Variants in BLOC1S5 observed in about 807,000 individuals in gnomAD.
The protein encoded by BLOC1S5 is biogenesis of lysosomal organelles complex 1 subunit 5.
A neutral mutation model predicts 24.3 loss-of-function variants in BLOC1S5; 27 were observed. The observed-to-expected ratio is 1.11, with a 90% CI of 0.82 to 1.53. The LOEUF is 1.53. BLOC1S5 is among the 40% of genes most tolerant of loss of function. BLOC1S5 has a pLI of 0.00. For synonymous variants in BLOC1S5, 84 were observed against 74.5 expected, an observed-to-expected ratio of 1.13 and a Z score of -0.66; for missense variants, 239 against 229.4, an observed-to-expected ratio of 1.04 and a Z score of -0.27.
chr6:8,046,023 T>C (rs556251105), intron 2 of BLOC1S5, among the ~76,000 whole-genome samples: 7 of 152,236 alleles, frequency 4.6e-5, no homozygotes, highest in African/African-American at 1.4e-4. Context: ...TGGAATTATA[T>C]GGTTTGGCTC....
chr6:8,060,450 C>T (rs1025163325), intron 2 of BLOC1S5, among the ~76,000 whole-genome samples: 1 of 152,034 alleles, frequency 6.6e-6, no homozygotes, highest in Admixed American at 6.6e-5. Context: ...GGAGGCTAAG[C>T]AAGGGTGTGG....
chr6:8,023,710 A>T (rs1020245489), intron 4 of BLOC1S5, among the ~76,000 whole-genome samples: 10 of 152,264 alleles, frequency 6.6e-5, no homozygotes, highest in African/African-American at 2.4e-4. Flanking sequence ...ACCAAGGGCA[A>T]CAATTAACAT....
chr6:8,057,078 A>C (rs1764335851), intron 2 of BLOC1S5, among the ~76,000 whole-genome samples: 1 of 152,108 alleles, frequency 6.6e-6, no homozygotes. Flanking sequence ...AATTAGCTGG[A>C]CATGGTGGTA....
chr6:8,041,651 C>CTTTTTTTTT (rs1423781176), intron 2 of BLOC1S5, among the ~76,000 whole-genome samples: 1 of 48,622 alleles, frequency 2.1e-5, no homozygotes, highest in African/African-American at 4.8e-5. Flanking sequence ...TTCTTTCTTT[C>CTTTTTTTTT]TTTCTTTTTT....
intron 3 of BLOC1S5, among the ~76,000 whole-genome samples, chr6:8,039,759 G>A (rs529096954): frequency 1.6e-4 from 24 of 152,178 alleles, no homozygotes; most frequent in Non-Finnish European, 2.1e-4. Flanking sequence ...CTAGGTGCCT[G>A]AGATACCACA....
Position 8,041,279 on chromosome 6 carries a change from A to G in BLOC1S5, c.196-11T>C. 2 of 1,581,228 alleles carry G rather than the reference A, an allele frequency of 1.3e-6. No individual in the cohort carries two copies. The highest frequency in any genetic ancestry group is 1.7e-6 in the Non-Finnish European group (2 of 1,160,444). ...AAGACCACGTTTTTCCTATTAAAAG[A>G]AAGTAGATGACTAATAAATATGGTG... On this transcript the variant is annotated splice_polypyrimidine_tract_variant and intron_variant, in intron 2 of 4. Coordinates refer to ENST00000397457, the MANE Select transcript of BLOC1S5 (RefSeq NM_201280.3).
chr6:8,033,704 G>T (rs1025863024), intron 3 of BLOC1S5, among the ~76,000 whole-genome samples: 18 of 152,162 alleles, frequency 1.2e-4, no homozygotes, highest in African/African-American at 4.3e-4. Flanking sequence ...CTACAGAATG[G>T]GAGAAAATTT....
At chr6:8,016,876 CAAA>C (rs36179729) in intron 4 of BLOC1S5, among the ~76,000 whole-genome samples, 19 of 97,622 alleles carry the variant, frequency 1.9e-4, no homozygotes, top group African/African-American at 7.0e-4. Context: ...TACTCTATCT[CAAA>C]AAAAAAAAAA....
chr6:8,050,442 C>G (rs12529152), intron 2 of BLOC1S5, among the ~76,000 whole-genome samples: 23,796 of 151,972 alleles, frequency 0.16, 1,940 homozygotes, highest in Admixed American at 0.19. Context: ...CCCACATGGC[C>G]TCTAAGTGTT....
At chr6:8,057,921 C>T (rs111894848) in intron 2 of BLOC1S5, among the ~76,000 whole-genome samples, 1 of 152,118 alleles carries the variant, frequency 6.6e-6, no homozygotes, top group Non-Finnish European at 1.5e-5. Flanking sequence ...AGTTGTTTCT[C>T]GAGTTGTTTC....
intron 2 of BLOC1S5, among the ~76,000 whole-genome samples, chr6:8,057,033 A>T (rs970214711): frequency 2.6e-5 from 4 of 152,186 alleles, no homozygotes; most frequent in African/African-American, 7.2e-5. Context: ...CCTGGCCAAC[A>T]TGGTGAAACC....
At chr6:8,033,689 G>A (rs901320407) in intron 3 of BLOC1S5, among the ~76,000 whole-genome samples, 6 of 152,084 alleles carry the variant, frequency 3.9e-5, no homozygotes, top group African/African-American at 1.4e-4. Flanking sequence ...GAGTGAACAG[G>A]CAACCTACAG....
At chr6:8,040,872 T>A (rs1056607292) in intron 3 of BLOC1S5, among the ~76,000 whole-genome samples, 5 of 151,596 alleles carry the variant, frequency 3.3e-5, no homozygotes, top group Non-Finnish European at 5.9e-5. Context: ...AAAAAAAAAA[T>A]TTGTAAAAAT....
intron 4 of BLOC1S5, among the ~76,000 whole-genome samples, chr6:8,019,611 G>A (rs1339553545): frequency 6.6e-5 from 10 of 151,798 alleles, no homozygotes; most frequent in South Asian, 2.1e-4. Context: ...GAAAAAAGGG[G>A]GGGGGGGCGC....
chr6:8,033,966 AAGTC>A (rs759469539), intron 3 of BLOC1S5, among the ~76,000 whole-genome samples: 1 of 152,242 alleles, frequency 6.6e-6, no homozygotes, highest in Non-Finnish European at 1.5e-5. Context: ...AATCATTAAA[AAGTC>A]AGGAAACAAC....
Position 8,062,626 on chromosome 6 carries a change from TA to T in BLOC1S5, c.113-11del. 6.4e-7 allele frequency: 1 copy of T among 1,559,584 alleles called. No homozygotes were observed. The highest frequency in any genetic ancestry group is 1.1e-5 in the South Asian group (1 of 87,300). On this transcript the variant is annotated splice_polypyrimidine_tract_variant and intron_variant, in intron 1 of 4. Transcript: ENST00000397457. ...TGAATTTCTCCAAGATCTATAAAGA[TA>T]AAATGAAATTCAGGGTTAATCCATG...
Position 8,022,592 on chromosome 6 carries a change from C to CT in BLOC1S5, c.384+3774dup, listed in dbSNP as rs58841716. ...TATTTTTTTTTTCTTTTTTTTTTTT[C>CT]TTTTTTTTTTGAGACGGAGTCTCGC... On this transcript the variant is annotated intron_variant, in intron 4 of 4. Transcript: ENST00000397457. 5.2e-4 allele frequency among the ~76,000 whole-genome samples: 48 copies of CT among 92,120 alleles called. 3 individuals carry two copies. Among genetic ancestry groups the CT allele is most frequent in the East Asian group, 1.2e-3 (3 of 2,532 alleles). 60.4% of individuals were successfully genotyped at this position (92,120 alleles called of 152,430 possible).
chr6:8,041,655 C>CTTTTT (rs1554139177), intron 2 of BLOC1S5, among the ~76,000 whole-genome samples: 23 of 111,884 alleles, frequency 2.1e-4, no homozygotes, highest in East Asian at 1.5e-3. Flanking sequence ...TTCTTTCTTT[C>CTTTTT]TTTTTTTTTG....
intron 3 of BLOC1S5, among the ~76,000 whole-genome samples, chr6:8,038,966 G>C (rs1763588607): frequency 6.6e-6 from 1 of 152,094 alleles, no homozygotes; most frequent in East Asian, 1.9e-4. Context: ...CACAATACTG[G>C]GTATATATCT....
Sources: gnomAD v4.1 joint callset for allele counts (sites outside exome capture counted in the v4.1 genomes callset) on GRCh38, gnomAD v4.1.1 for gene constraint, MANE v1.5 for transcripts, NCBI Gene and HGNC (gene_info 2026-07-23, HGNC 2026-07-21) for gene names.